The following RBFOX1 variants were observed in gnomAD, a reference collection of about 807,000 sequenced individuals.
The protein encoded by RBFOX1 is RNA binding protein fox-1 homolog 1.
Under a neutral mutation model 57.7 loss-of-function variants are expected in RBFOX1, and 8 were observed. The ratio of observed to expected loss-of-function variants is 0.14; its 90% CI spans 0.08 to 0.25. The LOEUF is 0.25. RBFOX1 is among the 10% of genes least tolerant of loss of function. The probability of loss-of-function intolerance (pLI) is 1.00; values close to 1 mark genes in which losing one functional copy is unlikely to be tolerated. For synonymous variants in RBFOX1, 326 were observed against 222.4 expected (o/e 1.47, Z -4.15); for missense variants, 611 against 548.5 (o/e 1.11, Z -1.14).
intron 3 of RBFOX1, among the ~76,000 whole-genome samples, chr16:6,847,839 T>A (rs1221233606): frequency 1.3e-5 from 2 of 152,024 alleles, no homozygotes; most frequent in African/African-American, 4.8e-5. Context: ...GACTTCCTTT[T>A]GGTGGTGGTT....
At chr16:5,930,417 G>C (rs942212812) in intron 4 of RBFOX1, among the ~76,000 whole-genome samples, 1 of 104,752 alleles carries the variant, frequency 9.5e-6, no homozygotes, top group Non-Finnish European at 1.9e-5. Context: ...TGGGAGGGTG[G>C]ATGGATGGAT....
intron 1 of RBFOX1, among the ~76,000 whole-genome samples, chr16:6,108,973 T>C (rs1371703293): frequency 2.0e-5 from 3 of 152,224 alleles, no homozygotes; most frequent in African/African-American, 7.2e-5. Context: ...GACCCTTTTC[T>C]CTCACAAGTT....
intron 4 of RBFOX1, among the ~76,000 whole-genome samples, chr16:7,386,840 AC>A (rs536388708): frequency 1.3e-5 from 2 of 152,238 alleles, no homozygotes; most frequent in East Asian, 3.9e-4. Context: ...TTACACTCCT[AC>A]CAACAGTGTA....
intron 3 of RBFOX1, among the ~76,000 whole-genome samples, chr16:6,674,145 G>C (rs951678267): frequency 1.1e-4 from 17 of 152,066 alleles, no homozygotes; most frequent in African/African-American, 4.1e-4. Flanking sequence ...CCTTGTTGTG[G>C]GTTGAATAGA....
chr16:6,243,704 C>T (rs1188886564), intron 1 of RBFOX1, among the ~76,000 whole-genome samples: 1 of 152,244 alleles, frequency 6.6e-6, no homozygotes, highest in Middle Eastern at 3.4e-3. Context: ...GGGATGAGAA[C>T]CTGGTTCAGC....
intron 2 of RBFOX1, among the ~76,000 whole-genome samples, chr16:6,562,880 C>CTTTCTTTCTTTCTTTCTTTCTTT (rs746999419): frequency 1.5e-4 from 8 of 51,764 alleles, no homozygotes; most frequent in Admixed American, 9.7e-4. Context: ...TTCTTTCTTT[C>CTTTCTTTCTTTCTTTCTTTCTTT]TTTTTTTTTT....
intron 1 of RBFOX1, among the ~76,000 whole-genome samples, chr16:5,416,701 C>T (rs1432337879): frequency 4.0e-5 from 6 of 150,050 alleles, no homozygotes; most frequent in South Asian, 4.2e-4. Flanking sequence ...TTCCTCTGGT[C>T]GTCTTCAAGA....
intron 1 of RBFOX1, among the ~76,000 whole-genome samples, chr16:6,281,439 T>G (rs562007620): frequency 6.6e-6 from 1 of 152,128 alleles, no homozygotes; most frequent in South Asian, 2.1e-4. Context: ...GTTTTGCTGG[T>G]GAATCCCTAA....
chr16:5,949,611 G>A (rs896335911), intron 4 of RBFOX1, among the ~76,000 whole-genome samples: 1 of 149,726 alleles, frequency 6.7e-6, no homozygotes, highest in African/African-American at 2.5e-5. Context: ...CGAGTCTTTT[G>A]TGTTGTAGCA....
intron 1 of RBFOX1, among the ~76,000 whole-genome samples, chr16:6,235,273 C>A (rs2097496978): frequency 6.6e-6 from 1 of 152,182 alleles, no homozygotes; most frequent in East Asian, 1.9e-4. Context: ...CTCCCCTCCT[C>A]CACACAGAAT....
intron 4 of RBFOX1, among the ~76,000 whole-genome samples, chr16:7,224,855 G>C (rs2092992039): frequency 6.6e-6 from 1 of 152,114 alleles, no homozygotes. Flanking sequence ...ACACCTACTG[G>C]ATCAGAATGT....
intron 4 of RBFOX1, among the ~76,000 whole-genome samples, chr16:5,867,663 C>T (rs968205819): frequency 3.9e-5 from 6 of 152,122 alleles, no homozygotes; most frequent in Non-Finnish European, 8.8e-5. Flanking sequence ...TATATAGTTT[C>T]CCCATTCCTT....
chr16:7,432,384 A>G (rs1262604135), intron 4 of RBFOX1, among the ~76,000 whole-genome samples: 2 of 152,150 alleles, frequency 1.3e-5, no homozygotes, highest in Admixed American at 6.5e-5. Flanking sequence ...TAGGATCCCA[A>G]TCCCAGAAGA....
intron 4 of RBFOX1, among the ~76,000 whole-genome samples, chr16:5,944,316 G>T (rs1463400936): frequency 1.3e-5 from 2 of 152,190 alleles, no homozygotes; most frequent in Non-Finnish European, 2.9e-5. Context: ...GGCTTTTGAG[G>T]TTCTGAACGA....
chr16:6,600,533 G>A (rs1340510288), intron 2 of RBFOX1, among the ~76,000 whole-genome samples: 1 of 152,320 alleles, frequency 6.6e-6, no homozygotes, highest in South Asian at 2.1e-4. Flanking sequence ...TCTGGCCAGA[G>A]ACGAACGCTG....
chr16:6,506,624 A>ATTTTTTTTTTTTTTTT (rs71145238), intron 2 of RBFOX1, among the ~76,000 whole-genome samples: 3 of 98,422 alleles, frequency 3.0e-5, no homozygotes, highest in African/African-American at 1.3e-4. Context: ...ACAGTAGCTA[A>ATTTTTTTTTTTTTTTT]TTTTTTTTTT....
chr16:6,000,921 T>G (rs2060588402), intron 4 of RBFOX1, among the ~76,000 whole-genome samples: 1 of 137,156 alleles, frequency 7.3e-6, no homozygotes, highest in Non-Finnish European at 1.6e-5. Context: ...GGGTAGGTAT[T>G]TAGATGGATG....
chr16:6,202,677 T>C (rs566700720), intron 1 of RBFOX1, among the ~76,000 whole-genome samples: 1 of 152,334 alleles, frequency 6.6e-6, no homozygotes, highest in South Asian at 2.1e-4. Flanking sequence ...GAGGTAACTA[T>C]ACATCCAGGA....
intron 3 of RBFOX1, among the ~76,000 whole-genome samples, chr16:6,982,631 T>G (rs1471693278): frequency 6.6e-6 from 1 of 152,194 alleles, no homozygotes; most frequent in Non-Finnish European, 1.5e-5. Flanking sequence ...AAGCCCTTTC[T>G]TGCACATTGT....
Sources: allele counts gnomAD v4.1 joint callset (sites outside exome capture counted in the v4.1 genomes callset), GRCh38; gene constraint gnomAD v4.1.1; transcripts MANE v1.5; gene names NCBI Gene and HGNC (gene_info 2026-07-23, HGNC 2026-07-21).